The following CHUK variants were observed in gnomAD, a reference collection of about 807,000 sequenced individuals.
CHUK encodes component of inhibitor of nuclear factor kappa B kinase complex.
Under a neutral mutation model 104.8 loss-of-function variants are expected in CHUK, and 35 were observed. The observed-to-expected ratio is 0.33, with a 90% CI of 0.26 to 0.44. CHUK has a LOEUF of 0.44. Ranked by LOEUF, CHUK falls within the 20% of genes least tolerant of loss-of-function variation. The probability of loss-of-function intolerance (pLI) is 1.00; values close to 1 mark genes in which losing one functional copy is unlikely to be tolerated. For missense variants in CHUK, 663 were observed against 902.7 expected, an observed-to-expected ratio of 0.73 and a Z score of 3.40; for synonymous variants, 276 against 291.9, an observed-to-expected ratio of 0.95 and a Z score of 0.56.
At chr10:100,221,685 T>C (rs1306938776) in intron 4 of CHUK, among the ~76,000 whole-genome samples, 1 of 152,188 alleles carries the variant, frequency 6.6e-6, no homozygotes, top group African/African-American at 2.4e-5. Flanking sequence ...TTGTCCAAGC[T>C]GGAGTGCAGT....
chr10:100,214,977 G>T (rs534793919), intron 9 of CHUK, among the ~76,000 whole-genome samples: 35 of 152,270 alleles, frequency 2.3e-4, no homozygotes, highest in Non-Finnish European at 4.4e-4. Context: ...GCTCATGCCT[G>T]TAATCCCAGC....
intron 1 of CHUK, among the ~76,000 whole-genome samples, chr10:100,226,687 T>C (rs1394645445): frequency 1.3e-5 from 2 of 152,216 alleles, no homozygotes; most frequent in African/African-American, 4.8e-5. Flanking sequence ...AGCTCAGAAA[T>C]AGCAGTCAGG....
intron 20 of CHUK, 66 bp from the exon 21 acceptor site, chr10:100,189,693 A>G: frequency 8.7e-7 from 1 of 1,150,914 alleles, no homozygotes; most frequent in Non-Finnish European, 1.3e-6. Context: ...ATGGGTGTTC[A>G]TTTTTGCAAG....
chr10:100,194,142 TAAATC>T lies in CHUK; in HGVS notation c.1827-16_1827-12del. 1 of 1,612,858 alleles carries T rather than the reference TAAATC, an allele frequency of 6.2e-7. No homozygotes were observed. The highest frequency in any genetic ancestry group is 2.2e-5 in the East Asian group (1 of 44,876). ...CAGCCCAACAACTTGCTGGAGAGAT[TAAATC>T]AGTGTCAGACACTTTCACATGCCCC... On this transcript the variant is annotated splice_polypyrimidine_tract_variant and intron_variant, in intron 17 of 20. Transcript: ENST00000370397.
intron 17 of CHUK, 82 bp from the exon 18 acceptor site, chr10:100,194,213 G>T: frequency 6.9e-6 from 10 of 1,457,272 alleles, no homozygotes; most frequent in Middle Eastern, 1.7e-4. Flanking sequence ...CTGAGGAAAT[G>T]AACCACAATC....
Position 100,229,506 on chromosome 10 carries a change from C to T in CHUK, c.27G>A (p.Pro9=), listed in dbSNP as rs1473400052. The T allele has an allele frequency of 3.8e-6, 6 of 1,566,404 alleles. No individual in the cohort carries two copies. The highest frequency in any genetic ancestry group is 5.2e-6 in the Non-Finnish European group (6 of 1,160,824). Residue 9 remains proline (P), a synonymous_variant, in exon 1 of 21, where the codon CCG becomes CCA. Coordinates refer to ENST00000370397, the MANE Select transcript of CHUK (RefSeq NM_001278.5). MERPPGLR[P]GAGGPWEMRE... ...GCATCTCCCAGGGCCCGCCCGCGCC[C>T]GGCCGCAGCCCCGGGGGCCGCTCCA...
chr10:100,228,633 C>G (rs541183811), intron 1 of CHUK, among the ~76,000 whole-genome samples: 4 of 152,102 alleles, frequency 2.6e-5, no homozygotes, highest in Non-Finnish European at 4.4e-5. Flanking sequence ...CCAGCCTGGG[C>G]GACAGAGTGA....
intron 15 of CHUK, 51 bp downstream of exon 15, chr10:100,200,620 G>T: frequency 1.1e-6 from 1 of 895,970 alleles, no homozygotes. Flanking sequence ...TAAGCAGAAA[G>T]AATACAAAAT....
intron 18 of CHUK, 32 bp from the exon 19 acceptor site, chr10:100,193,463 A>C (rs764326844): frequency 6.2e-7 from 1 of 1,613,302 alleles, no homozygotes; most frequent in Non-Finnish European, 8.5e-7. Flanking sequence ...TCAAAAGATT[A>C]CAGGCAAGCA....
intron 4 of CHUK, 139 bp downstream of exon 4, chr10:100,221,973 G>C (rs1322070742): frequency 1.7e-6 from 1 of 604,376 alleles, no homozygotes; most frequent in East Asian, 2.9e-5. Flanking sequence ...AATAGTAATA[G>C]ATTTTTATAA....
At chr10:100,201,739 G>A (rs1589581972) in intron 14 of CHUK, among the ~76,000 whole-genome samples, 1 of 152,150 alleles carries the variant, frequency 6.6e-6, no homozygotes, top group Non-Finnish European at 1.5e-5. Context: ...TCTTGTCCCA[G>A]CTACACAGGA....
intron 13 of CHUK, among the ~76,000 whole-genome samples, chr10:100,202,610 C>T (rs987449677): frequency 6.6e-6 from 1 of 152,226 alleles, no homozygotes; most frequent in South Asian, 2.1e-4. Context: ...CTTTTAGCCT[C>T]CAGGGCTGTG....
chr10:100,213,103 C>G (rs11818076), intron 9 of CHUK, among the ~76,000 whole-genome samples: 1 of 151,974 alleles, frequency 6.6e-6, no homozygotes, highest in East Asian at 1.9e-4. Flanking sequence ...GATGGATATG[C>G]TAATTACCCT....
At chr10:100,195,660 A>C (rs1420051489) in intron 16 of CHUK, 2 of 152,246 alleles carry the variant, frequency 1.3e-5, no homozygotes, top group East Asian at 3.8e-4. Context: ...GCTGGTTTTA[A>C]CCATTTCAGA....
rs375416168 is a variant in CHUK at position 100,202,074 on chromosome 10, G to A, written c.1569+14C>T. 44 of 1,582,458 alleles carry A rather than the reference G, an allele frequency of 2.8e-5. No homozygotes were observed. Among genetic ancestry groups the A allele is most frequent in the African/African-American group, 1.8e-4 (13 of 74,280 alleles). ...AGAATTAATAAGTATACAGAATGAC[G>A]TCAATGATTTTACCTCAGCATAGTG... On this transcript the variant is annotated intron_variant, in intron 14 of 20. Coordinates refer to ENST00000370397, the MANE Select transcript of CHUK (RefSeq NM_001278.5).
At chr10:100,211,879 ATTT>A (rs56796436) in intron 9 of CHUK, among the ~76,000 whole-genome samples, 10 of 146,166 alleles carry the variant, frequency 6.8e-5, no homozygotes, top group African/African-American at 2.3e-4. Context: ...TTACAGTTCT[ATTT>A]TTTTTTTTTT....
chr10:100,201,520 T>C (rs1845461923), intron 14 of CHUK, among the ~76,000 whole-genome samples: 2 of 152,156 alleles, frequency 1.3e-5, no homozygotes, highest in African/African-American at 4.8e-5. Flanking sequence ...CTGACTCCCA[T>C]TTAATCTTCA....
At chr10:100,226,615 A>G (rs1027533105) in intron 1 of CHUK, among the ~76,000 whole-genome samples, 3 of 152,234 alleles carry the variant, frequency 2.0e-5, no homozygotes, top group African/African-American at 7.2e-5. Context: ...AATTAAACCC[A>G]TTCTGATGCA....
Position 100,209,759 on chromosome 10 carries a change from T to G in CHUK, c.964A>C (p.Lys322Gln), listed in dbSNP as rs372013612. ...IVHILNMTSAKIISFLLPPDE... is the reference protein window; with the variant it reads ...IVHILNMTSAQIISFLLPPDE... ...GGTGGTAACAGAAAAGAAATTATCTTTGCAGAAGTCATATTTAGGATGTGT... is the reference window on the plus strand; with the variant it reads ...GGTGGTAACAGAAAAGAAATTATCTGTGCAGAAGTCATATTTAGGATGTGT... Residue 322 changes from lysine (K) to glutamine (Q), a missense_variant, in exon 10 of 21, where the codon AAG becomes CAG. Lys to Gln is a moderately conservative substitution (Grantham distance 53). Coordinates refer to ENST00000370397, the MANE Select transcript of CHUK (RefSeq NM_001278.5). 6 of 1,509,118 alleles carry G rather than the reference T, an allele frequency of 4.0e-6. No homozygotes were observed. The African/African-American group carries it at 5.5e-5, about 14-fold the overall frequency. The allele number at this position is 1,509,118 out of a possible 1,614,324, so 93.5% of individuals were successfully genotyped here. A position where few individuals can be genotyped will look rare whatever the true frequency, so the allele number is the denominator to read the frequency against.
Sources: allele counts gnomAD v4.1 joint callset (sites outside exome capture counted in the v4.1 genomes callset), GRCh38; gene constraint gnomAD v4.1.1; transcripts MANE v1.5; gene names NCBI Gene and HGNC (gene_info 2026-07-23, HGNC 2026-07-21).